Variants in EFHB observed in about 807,000 individuals in gnomAD.
EFHB encodes EF-hand domain family member B.
Under a neutral mutation model 87.2 loss-of-function variants are expected in EFHB, and 91 were observed. The ratio of observed to expected loss-of-function variants is 1.04; its 90% confidence interval spans 0.88 to 1.24. The LOEUF is 1.24. Among genes scored for constraint, EFHB ranks in the 50% most tolerant of loss-of-function variants. The pLI is 0.00. For missense variants in EFHB, 1,084 were observed against 998.8 expected (o/e 1.09, Z -1.15); for synonymous variants, 325 against 333.6 (o/e 0.97, Z 0.28).
At chr3:19,914,395 T>C (rs1695157449) in intron 5 of EFHB, among the ~76,000 whole-genome samples, 1 of 152,232 alleles carries the variant, frequency 6.6e-6, no homozygotes, top group African/African-American at 2.4e-5. Flanking sequence ...TCCTTTATTA[T>C]GTCAAGACTT....
intron 9 of EFHB, among the ~76,000 whole-genome samples, chr3:19,890,520 T>C (rs573397344): frequency 5.3e-5 from 8 of 152,356 alleles, no homozygotes; most frequent in Admixed American, 1.3e-4. Context: ...GATAACCATG[T>C]ATTATTGCTA....
intron 6 of EFHB, 32 bp from the exon 7 acceptor site, chr3:19,899,547 AT>A: frequency 6.5e-7 from 1 of 1,535,422 alleles, no homozygotes; most frequent in South Asian, 1.2e-5. Flanking sequence ...AGGTATCTCT[AT>A]TACCTAAAGT....
At chr3:19,909,088 C>A (rs1385477889) in intron 5 of EFHB, among the ~76,000 whole-genome samples, 1 of 141,388 alleles carries the variant, frequency 7.1e-6, no homozygotes, top group Non-Finnish European at 1.5e-5. Flanking sequence ...GATATGAGTG[C>A]CCATCTCAAA....
At chr3:19,909,150 A>T (rs1362144518) in intron 5 of EFHB, among the ~76,000 whole-genome samples, 1 of 151,750 alleles carries the variant, frequency 6.6e-6, no homozygotes, top group African/African-American at 2.4e-5. Flanking sequence ...GCACTGAAAA[A>T]AAAAAGGCAC....
chr3:19,940,210 G>C (rs1043639589), intron 1 of EFHB: 4 of 157,632 alleles, frequency 2.5e-5, no homozygotes, highest in Non-Finnish European at 4.2e-5. Flanking sequence ...CTACATATTT[G>C]GGTCCTTCAG....
In EFHB at chr3:19,919,879, A is replaced by G; in HGVS notation, c.950T>C (p.Ile317Thr). 1 of 1,613,670 alleles carries G rather than the reference A, an allele frequency of 6.2e-7. No individual in the cohort carries two copies. Among genetic ancestry groups the G allele is most frequent in the Non-Finnish European group, 8.5e-7 (1 of 1,179,692 alleles). Reference sequence around the variant, plus strand: ...AATTCCATGTGTCAAATAAGGTGCAATCTGGGGATCATTTGCTCTTCCGTA... The same window carrying G: ...AATTCCATGTGTCAAATAAGGTGCAGTCTGGGGATCATTTGCTCTTCCGTA... ...VFYGRANDPQIAPYLTHGIRS... is the reference protein window; with the variant it reads ...VFYGRANDPQTAPYLTHGIRS... Residue 317 changes from isoleucine (I) to threonine (T), a missense_variant, in exon 3 of 13, where the codon ATT becomes ACT. Coordinates refer to ENST00000295824, the MANE Select transcript of EFHB (RefSeq NM_144715.4).
chr3:19,884,241 T>A lies in EFHB; in HGVS notation c.2146+162A>T, dbSNP rs549482376. On this transcript the variant is annotated intron_variant, in intron 11 of 12. Coordinates refer to ENST00000295824, the MANE Select transcript of EFHB (RefSeq NM_144715.4). The stretch of plus-strand genomic sequence containing the variant: ...ATTGGCAATTCCGTTCAATCAACAT[T>A]TATATGTGGGCCTCTCCTCCCCAGG... The A allele has an allele frequency of 3.2e-5, 20 of 633,424 alleles. No homozygotes were observed. The South Asian group carries it at 4.3e-4, about 14-fold the overall frequency. The allele number at this position is 633,424 out of a possible 1,614,324, so 39.2% of individuals were successfully genotyped here.
Position 19,905,724 on chromosome 3 carries a change from G to T in EFHB, c.1314C>A (p.Asn438Lys), listed in dbSNP as rs753504094. The change falls in exon 6 of 13, where the codon AAC becomes AAA. Residue 438 changes from asparagine (N) to lysine (K), a missense_variant. Coordinates refer to ENST00000295824, the MANE Select transcript of EFHB (RefSeq NM_144715.4). ...YAGEAKNRKYNPSSFHRCSVY... is the reference protein window; with the variant it reads ...YAGEAKNRKYKPSSFHRCSVY... ...CACTACACCTATGGAAACTTGATGG[G>T]TTATACTTTCGGTTCTTTGCCTCTC... 4.3e-6 allele frequency: 7 copies of T among 1,611,696 alleles called. No homozygotes were observed. The highest frequency in any genetic ancestry group is 5.1e-6 in the Non-Finnish European group (6 of 1,178,498).
At position 19,920,051 on chromosome 3, in the gene EFHB, C is replaced by G. The variant is rs1695383898; in HGVS notation, c.853-75G>C. 106 of 1,492,766 alleles carry G rather than the reference C, an allele frequency of 7.1e-5. 1 individual carries two copies. In the South Asian group the frequency reaches 1.3e-3, roughly 18 times the overall value. 92.5% of individuals were successfully genotyped at this position (1,492,766 alleles called of 1,614,324 possible). ...ATTAACAGGACTGATCTATACCAAT[C>G]AACCAACAACCTTAAGTGCATGTAT... On this transcript the variant is annotated intron_variant, in intron 2 of 12. Coordinates refer to ENST00000295824, the MANE Select transcript of EFHB (RefSeq NM_144715.4).
chr3:19,943,070 G>C, intron 1 of EFHB: 1 of 303,520 alleles, frequency 3.3e-6, no homozygotes, highest in Non-Finnish European at 6.6e-6. Context: ...CTGGACAACA[G>C]CATAATCAAG....
chr3:19,942,668 G>A (rs62241269), intron 1 of EFHB, among the ~76,000 whole-genome samples: 21,564 of 152,026 alleles, frequency 0.14, 1,874 homozygotes, highest in Non-Finnish European at 0.21. Context: ...GCCACTAGAC[G>A]GTCCCATCTG....
intron 4 of EFHB, among the ~76,000 whole-genome samples, chr3:19,916,774 G>A (rs758919780): frequency 6.6e-6 from 1 of 151,864 alleles, no homozygotes; most frequent in Non-Finnish European, 1.5e-5. Flanking sequence ...CTTCCCTTTC[G>A]ACCTAACAAC....
chr3:19,921,562 G>A (rs1341127497), intron 1 of EFHB, among the ~76,000 whole-genome samples: 8 of 152,084 alleles, frequency 5.3e-5, no homozygotes, highest in Non-Finnish European at 8.8e-5. Flanking sequence ...TGGAGTCCAA[G>A]GTCTAGCAAC....
At chr3:19,929,444 G>A (rs1360054782) in intron 1 of EFHB, among the ~76,000 whole-genome samples, 2 of 151,888 alleles carry the variant, frequency 1.3e-5, no homozygotes, top group African/African-American at 2.4e-5. Context: ...GGTGGCTCAC[G>A]CCTGTAATCC....
rs374873389 is a variant in EFHB, at chr3:19,903,009, T to C, written c.1418+2611A>G. 1.8e-4 allele frequency among the ~76,000 whole-genome samples: 28 copies of C among 151,966 alleles called. 1 individual carries two copies. The South Asian group carries it at 5.8e-3, about 32-fold the overall frequency. On this transcript the variant is annotated intron_variant, in intron 6 of 12. Coordinates refer to ENST00000295824, the MANE Select transcript of EFHB (RefSeq NM_144715.4). ...CTGACGATCATGGTGAAACCCCATCTCTACTAAAAATACAAAAATTAGCCA... is the reference window on the plus strand; with the variant it reads ...CTGACGATCATGGTGAAACCCCATCCCTACTAAAAATACAAAAATTAGCCA...
Position 19,884,387 on chromosome 3 carries a change from C to A in EFHB, c.2146+16G>T, listed in dbSNP as rs994381193. ...GTTTGTTGATGCTTTTAAAACTTGA[C>A]AAATAAGTGACATACAAGTAGAAGG... On this transcript the variant is annotated intron_variant, in intron 11 of 12. Coordinates refer to ENST00000295824, the MANE Select transcript of EFHB (RefSeq NM_144715.4). 2 of 1,608,286 alleles carry A rather than the reference C, an allele frequency of 1.2e-6. No individual in the cohort carries two copies. The highest frequency in any genetic ancestry group is 3.4e-5 in the Admixed American group (2 of 59,294).
At chr3:19,913,577 C>T (rs1276635797) in intron 5 of EFHB, among the ~76,000 whole-genome samples, 3 of 152,110 alleles carry the variant, frequency 2.0e-5, no homozygotes, top group African/African-American at 7.2e-5. Context: ...ATTTTATGTT[C>T]ATGGATTGGA....
At chr3:19,918,148 C>T (rs1695298904) in intron 4 of EFHB, 84 bp downstream of exon 4, 1 of 1,303,168 alleles carries the variant, frequency 7.7e-7, no homozygotes, top group African/African-American at 1.5e-5. Flanking sequence ...CACCAAACAT[C>T]ATACAAATAA....
chr3:19,879,839 TA>T, intron 12 of EFHB, 35 bp from the exon 13 acceptor site: 1 of 1,526,656 alleles, frequency 6.6e-7, no homozygotes, highest in Non-Finnish European at 8.8e-7. Context: ...CCATGATTTA[TA>T]TGTTTTAAAA....
Sources: gnomAD v4.1 joint callset for allele counts (sites outside exome capture counted in the v4.1 genomes callset) on GRCh38, gnomAD v4.1.1 for gene constraint, MANE v1.5 for transcripts, NCBI Gene and HGNC (gene_info 2026-07-23, HGNC 2026-07-21) for gene names.